FAM186A: variants seen among roughly 807,000 people sequenced by gnomAD.
FAM186A encodes the protein protein FAM186A.
In FAM186A, 163 loss-of-function variants were observed where a neutral mutation model predicts 216.8. That is an observed-to-expected ratio of 0.75 (90% confidence interval 0.66 to 0.86). FAM186A has a LOEUF of 0.86. Ranked by LOEUF, FAM186A falls within the 40% of genes least tolerant of loss-of-function variation. The pLI, the probability that FAM186A is intolerant of heterozygous loss-of-function variation, is 0.00. For missense variants in FAM186A, 2,184 were observed against 2,746.2 expected, an observed-to-expected ratio of 0.80 and a Z score of 4.58; for synonymous variants, 805 against 1,025.3, an observed-to-expected ratio of 0.79 and a Z score of 4.10.
Position 50,351,569 on chromosome 12 carries a change from C to A in FAM186A, c.5263G>T (p.Val1755Phe), listed in dbSNP as rs1167729667. ...PTAEKSSIFG[V>F]SSTPLQISRV... Reference sequence around the variant, plus strand: ...GATATCTGCAAAGGAGTAGAAGAGACCCCGAATATAGAGGACTTCTCAGCA... The same window carrying A: ...GATATCTGCAAAGGAGTAGAAGAGAACCCGAATATAGAGGACTTCTCAGCA... Residue 1755 changes from valine to phenylalanine, a missense_variant, in exon 4 of 8, where the codon GTC (valine) becomes TTC (phenylalanine). Transcript: ENST00000327337. 6.5e-7 allele frequency: 1 copy of A among 1,549,692 alleles called. No individual in the cohort carries two copies. The highest frequency in any genetic ancestry group is 2.0e-5 in the Admixed American group (1 of 50,786).
Position 50,372,877 on chromosome 12 carries a change from C to T in FAM186A, c.193-9513G>A, listed in dbSNP as rs181530218. Among the ~76,000 whole-genome samples the T allele has an allele frequency of 1.5e-3, 202 of 137,664 alleles. 2 individuals are homozygous for T. Among genetic ancestry groups the T allele is most frequent in the African/African-American group, 4.7e-3 (176 of 37,128 alleles). The allele number at this position is 137,664 out of a possible 152,430, so 90.3% of individuals were successfully genotyped here. ...GATGGTGCCACTGCACTCCAGTCTC[C>T]TGGGCGACAGAGCAAGACTCCGTCT... is the stretch of plus-strand genomic sequence containing the variant. On this transcript the variant is annotated intron_variant, in intron 1 of 7. Transcript: ENST00000327337.
At chr12:50,379,299 A>G (rs982811584) in intron 1 of FAM186A, among the ~76,000 whole-genome samples, 5 of 151,752 alleles carry the variant, frequency 3.3e-5, no homozygotes, top group Non-Finnish European at 7.4e-5. Context: ...AATTAGCCGA[A>G]TGTGGTGGTG....
intron 1 of FAM186A, among the ~76,000 whole-genome samples, chr12:50,384,492 A>C (rs1000243423): frequency 1.3e-5 from 2 of 152,164 alleles, no homozygotes; most frequent in African/African-American, 2.4e-5. Flanking sequence ...ATCCAAAGCA[A>C]TCTTGAGTAA....
chr12:50,395,055 A>AC (rs1027976166), intron 1 of FAM186A, among the ~76,000 whole-genome samples: 5 of 151,078 alleles, frequency 3.3e-5, no homozygotes, highest in African/African-American at 7.3e-5. Flanking sequence ...ATAGGAAAGA[A>AC]CCCCCCCTTA....
chr12:50,375,912 G>A (rs1012553399), intron 1 of FAM186A, among the ~76,000 whole-genome samples: 11 of 151,832 alleles, frequency 7.2e-5, no homozygotes, highest in Non-Finnish European at 1.3e-4. Flanking sequence ...ATACCGGCCC[G>A]GATCCCATGC....
chr12:50,335,840 A>G (rs1051120101), intron 4 of FAM186A, among the ~76,000 whole-genome samples: 1 of 151,382 alleles, frequency 6.6e-6, no homozygotes, highest in Non-Finnish European at 1.5e-5. Context: ...AGTAAGGGTA[A>G]TAAGGCCGGG....
rs71083561 is a variant in FAM186A at position 50,394,732 on chromosome 12, C to CTTTTTTTTTTTTTTTTTTTTTTT, written c.192+1538_192+1560dup. ...TGAGCCACTGTGCCTGGCTAACACT[C>CTTTTTTTTTTTTTTTTTTTTTTT]TTTTTTTTTTTTTTTTTTTTTTTTT... is the stretch of plus-strand genomic sequence containing the variant. On this transcript the variant is annotated intron_variant, in intron 1 of 7. Coordinates refer to ENST00000327337, the MANE Select transcript of FAM186A (RefSeq NM_001145475.3). Among the ~76,000 whole-genome samples, 9 of 29,408 alleles carry CTTTTTTTTTTTTTTTTTTTTTTT rather than the reference C, an allele frequency of 3.1e-4. 1 individual carries two copies. The highest frequency in any genetic ancestry group is 9.3e-4 in the African/African-American group (6 of 6,444). The allele number at this position is 29,408 out of a possible 152,430, so 19.3% of individuals were successfully genotyped here.
chr12:50,329,980 C>G (rs569391943), intron 7 of FAM186A, among the ~76,000 whole-genome samples: 1 of 152,050 alleles, frequency 6.6e-6, no homozygotes, highest in Non-Finnish European at 1.5e-5. Flanking sequence ...AACAAAAGTT[C>G]GATTTTCTAA....
intron 4 of FAM186A, among the ~76,000 whole-genome samples, chr12:50,340,541 G>T (rs143414986): frequency 2.0e-5 from 3 of 151,726 alleles, no homozygotes; most frequent in African/African-American, 7.3e-5. Context: ...GAGATCCATC[G>T]CTAAAAAAAA....
intron 1 of FAM186A, among the ~76,000 whole-genome samples, chr12:50,394,857 T>A (rs1186081825): frequency 6.7e-6 from 1 of 148,884 alleles, no homozygotes; most frequent in African/African-American, 2.5e-5. Context: ...CCTTCCCGAG[T>A]AGCTGGGACT....
At chr12:50,379,439 CA>C (rs35400647) in intron 1 of FAM186A, among the ~76,000 whole-genome samples, 76,706 of 96,460 alleles carry the variant, frequency 0.8, 30,050 homozygotes, top group Non-Finnish European at 0.89. Flanking sequence ...GACTCCCTCT[CA>C]AAAAAAAAAA....
intron 5 of FAM186A, among the ~76,000 whole-genome samples, chr12:50,333,452 A>C (rs2138758488): frequency 6.6e-6 from 1 of 152,282 alleles, no homozygotes; most frequent in South Asian, 2.1e-4. Flanking sequence ...GAATCTCTTG[A>C]ATCCAGGAGG....
At position 50,382,407 on chromosome 12, in the gene FAM186A, T is replaced by C. The variant is rs115292248; in HGVS notation, c.192+13886A>G. On this transcript the variant is annotated intron_variant, in intron 1 of 7. Transcript: ENST00000327337. ...TGCTTTTTAATATATTAATTAAAAA[T>C]ATATATATATGACCAGGCACAATGG... Among the ~76,000 whole-genome samples, 1,335 of 151,982 alleles carry C rather than the reference T, an allele frequency of 8.8e-3. 22 individuals carry two copies. Among genetic ancestry groups the C allele is most frequent in the African/African-American group, 0.029 (1,200 of 41,480 alleles).
rs763770231 is a variant in FAM186A at position 50,353,623 on chromosome 12, G to C, written c.3209C>G (p.Thr1070Ser). ...CTGAGGTGTGAGATGAATGCATTTA[G>C]TGAGAGGCTGGCCAGAAATAGGAAG... ...GALPISGQPL[T>S]KCIHLTPQQA... Residue 1070 changes from threonine (T) to serine (S), a missense_variant, in exon 4 of 8, where the codon ACT (threonine) becomes AGT (serine). This residue lies in a region of FAM186A where 1,132 missense variants were observed against 1,263.4 expected (regional missense o/e 0.90). Transcript: ENST00000327337. 6.5e-7 allele frequency: 1 copy of C among 1,532,202 alleles called. No homozygotes were observed. The highest frequency in any genetic ancestry group is 8.8e-7 in the Non-Finnish European group (1 of 1,139,206). 94.9% of individuals were successfully genotyped at this position (1,532,202 alleles called of 1,614,324 possible).
chr12:50,354,919 T>A lies in FAM186A; in HGVS notation c.1913A>T (p.Gln638Leu), dbSNP rs1942956335. Reference protein sequence around the residue: ...EELTKQVKSHQLVKSLSRVAK... With the variant: ...EELTKQVKSHLLVKSLSRVAK... Reference sequence around the variant, plus strand: ...CACTCTTGAGAGTGATTTAACAAGTTGATGAGACTTGACTTGTTTGGTCAA... The same window carrying A: ...CACTCTTGAGAGTGATTTAACAAGTAGATGAGACTTGACTTGTTTGGTCAA... The change falls in exon 4 of 8, where the codon CAA (glutamine) becomes CTA (leucine). Residue 638 changes from glutamine (Q) to leucine (L), a missense_variant. This residue lies in a region of FAM186A where 1,132 missense variants were observed against 1,263.4 expected (regional missense o/e 0.90). Transcript: ENST00000327337. 6.4e-7 allele frequency: 1 copy of A among 1,550,798 alleles called. No homozygotes were observed. Among genetic ancestry groups the A allele is most frequent in the Non-Finnish European group, 8.7e-7 (1 of 1,146,878 alleles).
At chr12:50,368,976 A>C (rs1423084551) in intron 1 of FAM186A, among the ~76,000 whole-genome samples, 1 of 146,186 alleles carries the variant, frequency 6.8e-6, no homozygotes, top group Admixed American at 6.8e-5. Context: ...AAAAAAAAAA[A>C]AAACACACAC....
Position 50,354,568 on chromosome 12 carries a change from AC to A in FAM186A, c.2263del (p.Val755Ter). ...VGEKPIKQKKVVSFMPGLHFQ... is the reference protein window; with the variant it reads ...VGEKPIKQKKXVSFMPGLHFQ... ...ATGCAATCCTGGCATAAATGAGACT[AC>A]CTTTTTTTGTTTTATAGGTTTCTCT... On this transcript the variant is annotated frameshift_variant, in exon 4 of 8. Coordinates refer to ENST00000327337, the MANE Select transcript of FAM186A (RefSeq NM_001145475.3). LOFTEE classifies it high-confidence loss of function. 2 of 1,551,032 alleles carry A rather than the reference AC, an allele frequency of 1.3e-6. No homozygotes were observed. Among genetic ancestry groups the A allele is most frequent in the Non-Finnish European group, 1.7e-6 (2 of 1,146,882 alleles).
chr12:50,334,541 G>C (rs1942689295), intron 4 of FAM186A, among the ~76,000 whole-genome samples: 1 of 151,498 alleles, frequency 6.6e-6, no homozygotes, highest in Admixed American at 6.6e-5. Flanking sequence ...GCAGTGGTGT[G>C]ATCTTGACTC....
At chr12:50,356,985 T>A (rs566288927) in intron 3 of FAM186A, among the ~76,000 whole-genome samples, 1 of 151,724 alleles carries the variant, frequency 6.6e-6, no homozygotes, top group South Asian at 2.1e-4. Context: ...GGTAAAAGAG[T>A]GAGACTTCGT....
Sources: gnomAD v4.1 joint callset for allele counts (sites outside exome capture counted in the v4.1 genomes callset) on GRCh38, gnomAD v4.1.1 for gene constraint, gnomAD v4.1.1 regional missense constraint, MANE v1.5 for transcripts, NCBI Gene and HGNC (gene_info 2026-07-23, HGNC 2026-07-21) for gene names.